Variants in PTPN9 observed in about 807,000 individuals in gnomAD.
The protein encoded by PTPN9 is protein tyrosine phosphatase non-receptor type 9.
A neutral mutation model predicts 69.8 loss-of-function variants in PTPN9; 26 were observed. That is an observed-to-expected ratio of 0.37 (90% CI 0.27 to 0.52). PTPN9 has a LOEUF of 0.52. Ranked by LOEUF, PTPN9 falls within the 20% of genes least tolerant of loss-of-function variation. PTPN9 has a pLI of 0.91. For missense variants in PTPN9, 549 were observed against 740.3 expected, an observed-to-expected ratio of 0.74 and a Z score of 3.00; for synonymous variants, 274 against 272.5, an observed-to-expected ratio of 1.01 and a Z score of -0.05.
chr15:75,485,662 G>A (rs1042708744), intron 8 of PTPN9, among the ~76,000 whole-genome samples: 6 of 150,220 alleles, frequency 4.0e-5, no homozygotes, highest in South Asian at 2.1e-4. Flanking sequence ...GAGCCACCGC[G>A]CCCGGCCGAA....
At chr15:75,543,742 A>G (rs2075019366) in intron 1 of PTPN9, among the ~76,000 whole-genome samples, 1 of 151,950 alleles carries the variant, frequency 6.6e-6, no homozygotes, top group Non-Finnish European at 1.5e-5. Flanking sequence ...TCAAAAAAAT[A>G]ACAATAAAAC....
Position 75,470,003 on chromosome 15 carries a change from A to C in PTPN9, c.1360-4T>G. 1 of 1,604,398 alleles carries C rather than the reference A, an allele frequency of 6.2e-7. No individual in the cohort carries two copies. On this transcript the variant is annotated splice_polypyrimidine_tract_variant and splice_region_variant and intron_variant, in intron 11 of 12. Coordinates refer to ENST00000618819, the MANE Select transcript of PTPN9 (RefSeq NM_002833.4). ...TCACCTGGCGTTTCTGCCGTTCCTT[A>C]GATAAGAAAAGAAGTAAACGTTAAC...
At chr15:75,473,616 C>A in intron 10 of PTPN9, 73 bp downstream of exon 10, 1 of 1,292,760 alleles carries the variant, frequency 7.7e-7, no homozygotes. Flanking sequence ...AAAAGCTAAA[C>A]TTCCCTCTTT....
Position 75,465,137 on chromosome 15 carries a change from CTT to C in PTPN9, c.*3630_*3631del, listed in dbSNP as rs1488457625. Reference sequence around the variant, plus strand: ...ATTTTTTTTGAGATGGAGTTTTACTCTTGTTGCCCAGGCTAGAGTGCAATGGC... The same window carrying C: ...ATTTTTTTTGAGATGGAGTTTTACTCGTTGCCCAGGCTAGAGTGCAATGGC... On this transcript the variant is annotated 3_prime_UTR_variant, in exon 13 of 13. Coordinates refer to ENST00000618819, the MANE Select transcript of PTPN9 (RefSeq NM_002833.4). The C allele has an allele frequency of 6.6e-6, 1 of 152,022 alleles. No individual in the cohort carries two copies. Among genetic ancestry groups the C allele is most frequent in the East Asian group, 1.9e-4 (1 of 5,182 alleles). 9.4% of individuals were successfully genotyped at this position (152,022 alleles called of 1,614,324 possible). A position where few individuals can be genotyped will look rare whatever the true frequency, so the allele number is the denominator to read the frequency against.
At chr15:75,474,508 G>C (rs1482490433) in intron 9 of PTPN9, among the ~76,000 whole-genome samples, 1 of 150,716 alleles carries the variant, frequency 6.6e-6, no homozygotes, top group Non-Finnish European at 1.5e-5. Flanking sequence ...AACAGAACGA[G>C]ACTCTGTCTC....
intron 8 of PTPN9, among the ~76,000 whole-genome samples, chr15:75,489,174 C>CAAA (rs35540489): frequency 4.7e-4 from 30 of 64,060 alleles, no homozygotes; most frequent in African/African-American, 8.5e-4. Context: ...GACTCCGTCT[C>CAAA]AAAAAAAAAA....
intron 9 of PTPN9, among the ~76,000 whole-genome samples, chr15:75,477,006 C>T (rs78521534): frequency 0.082 from 12,447 of 152,258 alleles, 710 homozygotes; most frequent in Non-Finnish European, 0.13. Context: ...AGTTGTACTT[C>T]CCAGCTTAGA....
At chr15:75,556,266 G>T (rs956653538) in intron 1 of PTPN9, among the ~76,000 whole-genome samples, 5 of 151,012 alleles carry the variant, frequency 3.3e-5, no homozygotes, top group African/African-American at 9.7e-5. Flanking sequence ...GTTTCACCAT[G>T]TTGGCCAGGC....
In PTPN9 at chr15:75,527,137, T is replaced by G. The variant is rs2074932066; in HGVS notation, c.188A>C (p.Glu63Ala). The change falls in exon 2 of 13, where the codon GAA (glutamate) becomes GCA (alanine). Residue 63 changes from glutamate (E) to alanine (A), a missense_variant. Coordinates refer to ENST00000618819, the MANE Select transcript of PTPN9 (RefSeq NM_002833.4). ...ARKFDVLRAI[E>A]LFHSYRETRR... ...ACATACTCTGTAGGAGTGGAACAAT[T>G]CTATGGCACGGAGCACATCAAACTT... The G allele has an allele frequency of 1.2e-6, 2 of 1,614,028 alleles. No homozygotes were observed. Among genetic ancestry groups the G allele is most frequent in the Non-Finnish European group, 8.5e-7 (1 of 1,180,030 alleles).
At chr15:75,509,712 A>G (rs2074836637) in intron 5 of PTPN9, among the ~76,000 whole-genome samples, 1 of 152,020 alleles carries the variant, frequency 6.6e-6, no homozygotes, top group African/African-American at 2.4e-5. Flanking sequence ...GGCTGGGCAC[A>G]GTGGCTCACG....
intron 1 of PTPN9, among the ~76,000 whole-genome samples, chr15:75,577,849 G>T (rs888703890): frequency 6.6e-6 from 1 of 152,128 alleles, no homozygotes; most frequent in Non-Finnish European, 1.5e-5. Context: ...CAGTGCCAAG[G>T]AAGAGACAGC....
At position 75,488,020 on chromosome 15, in the gene PTPN9, C is replaced by G. The variant is rs145658829; in HGVS notation, c.1062+2188G>C. 3.9e-5 allele frequency among the ~76,000 whole-genome samples: 6 copies of G among 152,328 alleles called. No homozygotes were observed. In the East Asian group the frequency reaches 1.2e-3, roughly 29 times the overall value. On this transcript the variant is annotated intron_variant, in intron 8 of 12. Transcript: ENST00000618819. ...TACTTTGCCGGCGCAGTGGCTCATGCCTGTAATCCCAGCACTTTGGGAGGC... is the reference window on the plus strand; with the variant it reads ...TACTTTGCCGGCGCAGTGGCTCATGGCTGTAATCCCAGCACTTTGGGAGGC...
chr15:75,538,176 A>C (rs1189178105), intron 1 of PTPN9, among the ~76,000 whole-genome samples: 1 of 152,196 alleles, frequency 6.6e-6, no homozygotes, highest in African/African-American at 2.4e-5. Context: ...CAGGAGATCT[A>C]TCAAAGCAAT....
intron 1 of PTPN9, among the ~76,000 whole-genome samples, chr15:75,571,072 C>T (rs183225226): frequency 2.4e-3 from 359 of 152,210 alleles, no homozygotes; most frequent in African/African-American, 8.3e-3. Context: ...CCAGCCTGGC[C>T]AACATGGCGA....
intron 1 of PTPN9, among the ~76,000 whole-genome samples, chr15:75,568,258 C>T (rs189312280): frequency 6.6e-6 from 1 of 151,690 alleles, no homozygotes; most frequent in East Asian, 1.9e-4. Flanking sequence ...TTTGGGAGGC[C>T]GAGGCTGGAG....
intron 7 of PTPN9, 95 bp from the exon 8 acceptor site, chr15:75,490,396 C>T (rs1230091615): frequency 3.6e-6 from 3 of 828,772 alleles, no homozygotes; most frequent in Non-Finnish European, 4.1e-6. Context: ...GTCAATTACT[C>T]TTAGGGGTGG....
intron 1 of PTPN9, among the ~76,000 whole-genome samples, chr15:75,567,358 T>C (rs2075130994): frequency 1.3e-5 from 2 of 152,118 alleles, no homozygotes; most frequent in African/African-American, 4.8e-5. Context: ...GTAATAATGA[T>C]GTATATAATG....
intron 8 of PTPN9, 52 bp downstream of exon 8, chr15:75,490,156 A>G: frequency 7.4e-7 from 1 of 1,343,586 alleles, no homozygotes. Flanking sequence ...TCACTTTGGA[A>G]GAAGCTCTAT....
At chr15:75,494,975 G>A (rs1365218034) in intron 7 of PTPN9, among the ~76,000 whole-genome samples, 1 of 152,078 alleles carries the variant, frequency 6.6e-6, no homozygotes, top group African/African-American at 2.4e-5. Flanking sequence ...GGTGAGCTGA[G>A]ATTGTGCCAC....
Sources: allele counts gnomAD v4.1 joint callset (sites outside exome capture counted in the v4.1 genomes callset), GRCh38; gene constraint gnomAD v4.1.1; transcripts MANE v1.5; gene names NCBI Gene and HGNC (gene_info 2026-07-23, HGNC 2026-07-21).